RAB43: variants seen among roughly 807,000 people sequenced by gnomAD.
RAB43 encodes the protein ras-related protein Rab-43.
Under a neutral mutation model 18.8 loss-of-function variants are expected in RAB43, and 6 were observed. That is an observed-to-expected ratio of 0.32 (90% CI 0.17 to 0.63). The LOEUF (loss-of-function observed/expected upper bound fraction) is 0.63. Among genes scored for constraint, RAB43 ranks in the 30% least tolerant of loss-of-function variants. The probability of loss-of-function intolerance (pLI) is 0.79; values close to 1 mark genes in which losing one functional copy is unlikely to be tolerated. For synonymous variants in RAB43, 103 were observed against 124.1 expected, an observed-to-expected ratio of 0.83 and a Z score of 1.13; for missense variants, 195 against 289.1, an observed-to-expected ratio of 0.67 and a Z score of 2.36.
intron 1 of RAB43, among the ~76,000 whole-genome samples, chr3:129,105,728 C>T (rs548959256): frequency 1.0e-4 from 15 of 150,174 alleles, no homozygotes; most frequent in Non-Finnish European, 2.1e-4. Flanking sequence ...TGCAGTGAGC[C>T]GAGACCATGC....
intron 1 of RAB43, among the ~76,000 whole-genome samples, chr3:129,105,644 G>A (rs1934730398): frequency 6.6e-6 from 1 of 151,682 alleles, no homozygotes; most frequent in Non-Finnish European, 1.5e-5. Context: ...GCCGTGCATG[G>A]TGGTGGATGC....
chr3:129,118,720 T>A (rs561438104), intron 1 of RAB43, among the ~76,000 whole-genome samples: 19 of 152,264 alleles, frequency 1.2e-4, no homozygotes, highest in African/African-American at 4.6e-4. Flanking sequence ...AGATACCACG[T>A]CTCACTATGC....
rs779699713 is a variant in RAB43 at position 129,091,387 on chromosome 3, G to T, written c.389-41C>A. The T allele has an allele frequency of 2.0e-5, 31 of 1,581,356 alleles. No homozygotes were observed. The Admixed American group carries it at 5.6e-4, about 29-fold the overall frequency. ...GGGGCAGCATGAGGCCATGGGGGCT[G>T]GGCAAGCCCAGTCCCACCTGGGAGG... On this transcript the variant is annotated intron_variant, in intron 2 of 2. Transcript: ENST00000315150.
At chr3:129,110,372 T>A (rs967067303) in intron 1 of RAB43, among the ~76,000 whole-genome samples, 2 of 151,930 alleles carry the variant, frequency 1.3e-5, no homozygotes, top group African/African-American at 4.8e-5. Flanking sequence ...AACCAAAAGG[T>A]AAAGTACACT....
At chr3:129,106,250 G>A (rs1225833487) in intron 1 of RAB43, among the ~76,000 whole-genome samples, 1 of 152,236 alleles carries the variant, frequency 6.6e-6, no homozygotes, top group Non-Finnish European at 1.5e-5. Flanking sequence ...GCAGTGGAAA[G>A]TTCCTTGCTT....
chr3:129,093,101 C>T (rs1933792656), intron 2 of RAB43, among the ~76,000 whole-genome samples: 1 of 151,966 alleles, frequency 6.6e-6, no homozygotes, highest in South Asian at 2.1e-4. Flanking sequence ...AGCGATTCTC[C>T]TACCTTGGCC....
chr3:129,121,353 C>A lies in RAB43; in HGVS notation c.137G>T (p.Arg46Leu), dbSNP rs755333802. 5.6e-6 allele frequency: 9 copies of A among 1,610,760 alleles called. No homozygotes were observed. Among genetic ancestry groups the A allele is most frequent in the South Asian group, 2.2e-5 (2 of 90,370 alleles). ...QRFKTGAFSERQGSTIGVDFT... is the reference protein window; with the variant it reads ...QRFKTGAFSELQGSTIGVDFT... ...GTCGACGCCGATGGTGCTTCCCTGG[C>A]GCTCCGAGAAGGCGCCGGTCTTGAA... Residue 46 changes from arginine to leucine, a missense_variant, in exon 1 of 3, where the codon CGC (arginine) becomes CTC (leucine). Coordinates refer to ENST00000315150, the MANE Select transcript of RAB43 (RefSeq NM_198490.3).
At chr3:129,099,429 C>T (rs1257224622) in intron 1 of RAB43, among the ~76,000 whole-genome samples, 7 of 149,672 alleles carry the variant, frequency 4.7e-5, no homozygotes, top group African/African-American at 1.5e-4. Context: ...CTCTGTTGTC[C>T]AGGCTGGAGT....
chr3:129,094,068 C>A (rs1291464379), intron 2 of RAB43, among the ~76,000 whole-genome samples: 1 of 152,208 alleles, frequency 6.6e-6, no homozygotes, highest in Non-Finnish European at 1.5e-5. Flanking sequence ...TCCACAGCAG[C>A]AGTTCTCAAA....
chr3:129,102,206 C>T (rs1240905448), intron 1 of RAB43, among the ~76,000 whole-genome samples: 1 of 152,262 alleles, frequency 6.6e-6, no homozygotes, highest in Admixed American at 6.5e-5. Context: ...ATGAAAGATG[C>T]AGCTCTATCT....
At chr3:129,119,672 T>C (rs1480206372) in intron 1 of RAB43, among the ~76,000 whole-genome samples, 2 of 152,144 alleles carry the variant, frequency 1.3e-5, no homozygotes, top group African/African-American at 4.8e-5. Flanking sequence ...AAGGACAATC[T>C]GGAGGCAACC....
At chr3:129,104,878 C>A (rs1165132167) in intron 1 of RAB43, among the ~76,000 whole-genome samples, 1 of 152,174 alleles carries the variant, frequency 6.6e-6, no homozygotes, top group Admixed American at 6.5e-5. Context: ...CCCTTCAGGA[C>A]CCCAGTTCAA....
intron 2 of RAB43, among the ~76,000 whole-genome samples, chr3:129,093,631 G>A (rs1393763998): frequency 6.6e-6 from 1 of 152,076 alleles, no homozygotes; most frequent in East Asian, 1.9e-4. Context: ...AGAAAAGGTG[G>A]GGAAATGGTT....
intron 1 of RAB43, among the ~76,000 whole-genome samples, chr3:129,104,038 T>C (rs1206192638): frequency 5.3e-5 from 8 of 152,238 alleles, no homozygotes; most frequent in Admixed American, 2.6e-4. Flanking sequence ...AGGCTAGTTT[T>C]CTGCAATCTG....
intron 1 of RAB43, 119 bp downstream of exon 1, chr3:129,121,166 AG>A (rs1935901479): frequency 4.0e-6 from 3 of 753,920 alleles, no homozygotes; most frequent in Non-Finnish European, 5.8e-6. Context: ...GGAAGGAAAA[AG>A]GGGAAGCCAA....
intron 1 of RAB43, among the ~76,000 whole-genome samples, chr3:129,100,024 C>T (rs1339667459): frequency 2.0e-5 from 3 of 152,004 alleles, no homozygotes; most frequent in Non-Finnish European, 4.4e-5. Context: ...ATCCAAGAAG[C>T]TCAGCAAACC....
chr3:129,121,732 T>TC lies in RAB43; in HGVS notation c.-244dup, dbSNP rs1220626232. The TC allele has an allele frequency of 1.3e-4, 25 of 199,382 alleles. No homozygotes were observed. Among genetic ancestry groups the TC allele is most frequent in the African/African-American group, 9.5e-4 (21 of 22,066 alleles). 12.4% of individuals were successfully genotyped at this position (199,382 alleles called of 1,614,324 possible). A position where few individuals can be genotyped will look rare whatever the true frequency, so the allele number is the denominator to read the frequency against. ...GGACCCGGTGCCCCGCGGGTTCGGC[T>TC]CCCCCCCGGACCCGCCAAGCCGGGC... On this transcript the variant is annotated 5_prime_UTR_variant, in exon 1 of 3. Transcript: ENST00000315150.
chr3:129,108,875 C>T (rs1355010032), intron 1 of RAB43, among the ~76,000 whole-genome samples: 1 of 152,196 alleles, frequency 6.6e-6, no homozygotes, highest in Non-Finnish European at 1.5e-5. Flanking sequence ...GAACGTGGCA[C>T]CGGGGGCTGC....
At chr3:129,092,023 A>C (rs1933700241) in intron 2 of RAB43, among the ~76,000 whole-genome samples, 1 of 149,788 alleles carries the variant, frequency 6.7e-6, no homozygotes. Flanking sequence ...GTGCCACTGT[A>C]CTCCAGCCTG....
Sources: allele counts gnomAD v4.1 joint callset (sites outside exome capture counted in the v4.1 genomes callset), GRCh38; gene constraint gnomAD v4.1.1; transcripts MANE v1.5; gene names NCBI Gene and HGNC (gene_info 2026-07-23, HGNC 2026-07-21).